The following KIF24 variants were observed in gnomAD, a reference collection of about 807,000 sequenced individuals.
The protein encoded by KIF24 is kinesin family member 24.
A neutral mutation model predicts 118.9 loss-of-function variants in KIF24; 81 were observed. The ratio of observed to expected loss-of-function variants is 0.68; its 90% CI spans 0.57 to 0.82. The LOEUF is 0.82. KIF24 is among the 40% of genes least tolerant of loss of function. The pLI, the probability that KIF24 is intolerant of heterozygous loss-of-function variation, is 0.00. For missense variants in KIF24, 1,560 were observed against 1,661.6 expected (o/e 0.94, Z 1.06); for synonymous variants, 599 against 610.0 (o/e 0.98, Z 0.27).
chr9:34,326,252 T>G (rs1182109397), intron 1 of KIF24, among the ~76,000 whole-genome samples: 2 of 151,930 alleles, frequency 1.3e-5, no homozygotes, highest in Non-Finnish European at 2.9e-5. Context: ...CTTGGGGGGC[T>G]GAGGTGGGAG....
chr9:34,325,510 T>G (rs921801444), intron 1 of KIF24, among the ~76,000 whole-genome samples: 1 of 151,946 alleles, frequency 6.6e-6, no homozygotes, highest in African/African-American at 2.4e-5. Flanking sequence ...CTGGTCAACA[T>G]GGTGAAACCC....
intron 3 of KIF24, among the ~76,000 whole-genome samples, chr9:34,299,307 A>G (rs934599774): frequency 3.3e-5 from 5 of 151,710 alleles, no homozygotes; most frequent in African/African-American, 1.2e-4. Context: ...CAGTCTCCTG[A>G]GTAGCTGGGA....
rs187815820 is a variant in KIF24, at chr9:34,296,979, A to T, written c.911+38T>A. 822 of 1,055,056 alleles carry T rather than the reference A, an allele frequency of 7.8e-4. 2 individuals carry two copies. The highest frequency in any genetic ancestry group is 2.3e-3 in the Admixed American group (92 of 40,638). The allele number at this position is 1,055,056 out of a possible 1,614,324, so 65.4% of individuals were successfully genotyped here. On this transcript the variant is annotated intron_variant, in intron 4 of 12. Transcript: ENST00000402558. Reference sequence around the variant, plus strand: ...GAAATATGGCCTAATGGAAAATAGAAAATAAAAAGCAAAAAAAGCAAATAA... The same window carrying T: ...GAAATATGGCCTAATGGAAAATAGATAATAAAAAGCAAAAAAAGCAAATAA...
At chr9:34,288,423 A>G (rs1337591) in intron 5 of KIF24, among the ~76,000 whole-genome samples, 107,069 of 151,612 alleles carry the variant, frequency 0.71, 39,646 homozygotes, top group East Asian at 0.95. Context: ...AGGAGGATGA[A>G]GCTGCAGTGA....
chr9:34,266,491 A>T (rs1030719470), intron 8 of KIF24, among the ~76,000 whole-genome samples: 1 of 152,104 alleles, frequency 6.6e-6, no homozygotes, highest in African/African-American at 2.4e-5. Context: ...AGCATGGCCA[A>T]CATGGTGAAA....
chr9:34,297,012 C>T lies in KIF24; in HGVS notation c.911+5G>A, dbSNP rs772628125. The T allele has an allele frequency of 4.1e-6, 6 of 1,462,682 alleles. No individual in the cohort carries two copies. In the Admixed American group the frequency reaches 5.4e-5, roughly 13 times the overall value. 90.6% of individuals were successfully genotyped at this position (1,462,682 alleles called of 1,614,324 possible). ...AGCAAAAAAAGCAAATAATCATTAT[C>T]GTACCCATTGAAAATATGCTGAATA... On this transcript the variant is annotated splice_donor_5th_base_variant and intron_variant, in intron 4 of 12. Coordinates refer to ENST00000402558, the MANE Select transcript of KIF24 (RefSeq NM_194313.4).
At chr9:34,280,336 C>T (rs1835809253) in intron 6 of KIF24, among the ~76,000 whole-genome samples, 1 of 148,378 alleles carries the variant, frequency 6.7e-6, no homozygotes, top group South Asian at 2.1e-4. Context: ...ATAAACTCTT[C>T]CAGGATGCAG....
chr9:34,327,109 G>C (rs1234892104), intron 1 of KIF24, among the ~76,000 whole-genome samples: 1 of 151,968 alleles, frequency 6.6e-6, no homozygotes, highest in Non-Finnish European at 1.5e-5. Context: ...TATTCAACAC[G>C]ATATGAACAT....
intron 11 of KIF24, 89 bp downstream of exon 11, chr9:34,255,646 G>T (rs1161418076): frequency 1.7e-6 from 2 of 1,204,636 alleles, no homozygotes; most frequent in Non-Finnish European, 2.3e-6. Context: ...ACCCCTGCAT[G>T]GCTTCTCTTT....
chr9:34,257,756 G>A lies in KIF24; in HGVS notation c.1851C>T (p.Asn617=). ...KVHPLTSHPP[N]IPFTSAPKVS... is the part of the protein sequence containing the mutation. Reference sequence around the variant, plus strand: ...CCTTAGGTGCAGAAGTAAAAGGAATGTTGGGTGGGTGGCTGGTCAGAGGAT... The same window carrying A: ...CCTTAGGTGCAGAAGTAAAAGGAATATTGGGTGGGTGGCTGGTCAGAGGAT... The change falls in exon 11 of 13, where the codon AAC becomes AAT. Residue 617 remains asparagine (N), a synonymous_variant. Transcript: ENST00000402558. 2 of 1,614,042 alleles carry A rather than the reference G, an allele frequency of 1.2e-6. No individual in the cohort carries two copies. Among genetic ancestry groups the A allele is most frequent in the Admixed American group, 1.7e-5 (1 of 60,032 alleles).
chr9:34,280,234 A>G (rs1433358770), intron 6 of KIF24, among the ~76,000 whole-genome samples: 1 of 143,520 alleles, frequency 7.0e-6, no homozygotes, highest in African/African-American at 2.6e-5. Flanking sequence ...CAGTGAGCCA[A>G]GATCCCGCCA....
At chr9:34,319,294 C>G in intron 1 of KIF24, 1 of 1,024,602 alleles carries the variant, frequency 9.8e-7, no homozygotes, top group South Asian at 1.3e-5. Context: ...GGGGAAGAAG[C>G]AGAAGCCTGT....
At chr9:34,259,869 G>T (rs917491152) in intron 9 of KIF24, among the ~76,000 whole-genome samples, 164 bp from the exon 10 acceptor site, 3 of 151,856 alleles carry the variant, frequency 2.0e-5, no homozygotes, top group African/African-American at 7.3e-5. Context: ...CACAGAAAAA[G>T]GTACTCACCA....
Position 34,257,951 on chromosome 9 carries a change from A to C in KIF24, c.1656T>G (p.Cys552Trp), listed in dbSNP as rs1834922613. 1 of 1,612,446 alleles carries C rather than the reference A, an allele frequency of 6.2e-7. No homozygotes were observed. ...GATTTCGACTGGTAACTGAAGTGCA[A>C]CACTTAATGCCTTTCTTTAGTTCTT... is the stretch of plus-strand genomic sequence containing the variant. ...RVKELKKGIK[C>W]CTSVTSRNRT... Residue 552 changes from cysteine to tryptophan, a missense_variant, in exon 11 of 13, where the codon TGT (cysteine) becomes TGG (tryptophan). This residue lies in a region of KIF24 where 964 missense variants were observed against 988.0 expected (regional missense o/e 0.98). Transcript: ENST00000402558.
At chr9:34,324,377 T>C (rs1022084800) in intron 1 of KIF24, among the ~76,000 whole-genome samples, 2 of 152,190 alleles carry the variant, frequency 1.3e-5, no homozygotes, top group African/African-American at 4.8e-5. Context: ...CGAGAAAGCA[T>C]CCTAGAGGCC....
chr9:34,320,332 C>CAAAAAAAAAAA (rs66835823), intron 1 of KIF24, among the ~76,000 whole-genome samples: 5 of 106,286 alleles, frequency 4.7e-5, no homozygotes, highest in African/African-American at 4.0e-5. Context: ...AATGTTCCAA[C>CAAAAAAAAAAA]AAAAAAAAAA....
At position 34,283,858 on chromosome 9, in the gene KIF24, A is replaced by G. The variant is rs56275161; in HGVS notation, c.1215+2759T>C. ...ACAATAAAATATAATTAAACACTCC[A>G]GACTGGCAAAAATTCAAAATATCTA... On this transcript the variant is annotated intron_variant, in intron 6 of 12. Transcript: ENST00000402558. Among the ~76,000 whole-genome samples, 1,288 of 152,336 alleles carry G rather than the reference A, an allele frequency of 8.5e-3. 7 individuals carry two copies. Among genetic ancestry groups the G allele is most frequent in the Admixed American group, 0.013 (206 of 15,298 alleles).
intron 6 of KIF24, among the ~76,000 whole-genome samples, chr9:34,280,251 T>G (rs1835800800): frequency 8.7e-6 from 1 of 114,646 alleles, no homozygotes; most frequent in African/African-American, 3.5e-5. Flanking sequence ...GCCACTGCAC[T>G]CCAACCTGGG....
At chr9:34,320,385 G>A (rs866773657) in intron 1 of KIF24, among the ~76,000 whole-genome samples, 20 of 150,556 alleles carry the variant, frequency 1.3e-4, no homozygotes, top group African/African-American at 4.4e-4. Context: ...CAGCCAGGCA[G>A]GGTGGCTCGT....
Sources: gnomAD v4.1 joint callset for allele counts (sites outside exome capture counted in the v4.1 genomes callset) on GRCh38, gnomAD v4.1.1 for gene constraint, gnomAD v4.1.1 regional missense constraint, MANE v1.5 for transcripts, NCBI Gene and HGNC (gene_info 2026-07-23, HGNC 2026-07-21) for gene names.